The following ZNF487 variants were observed in gnomAD, a reference collection of about 807,000 sequenced individuals.
ZNF487 encodes the protein KRAB domain only 1.
ZNF487 carries 4 observed loss-of-function variants against 3.0 expected under a neutral mutation model. That is an observed-to-expected ratio of 1.35 (90% CI 0.66 to 3.08). The LOEUF (loss-of-function observed/expected upper bound fraction) is 3.08. ZNF487 is among the 30% of genes most tolerant of loss of function. The pLI, the probability that ZNF487 is intolerant of heterozygous loss-of-function variation, is 0.01. For synonymous variants in ZNF487, 55 were observed against 34.6 expected, an observed-to-expected ratio of 1.59 and a Z score of -2.06; for missense variants, 146 against 98.7, an observed-to-expected ratio of 1.48 and a Z score of -2.03.
chr10:43,460,616 C>G (rs910618096), intron 1 of ZNF487, among the ~76,000 whole-genome samples: 6 of 141,578 alleles, frequency 4.2e-5, no homozygotes, highest in African/African-American at 1.8e-4. Flanking sequence ...ACCTCAGATG[C>G]CACCCGCCTC....
intron 1 of ZNF487, among the ~76,000 whole-genome samples, chr10:43,450,907 CGTT>C (rs1172787328): frequency 1.3e-5 from 2 of 152,048 alleles, no homozygotes; most frequent in Admixed American, 1.3e-4. Flanking sequence ...TTTGGAGCCA[CGTT>C]GTAAACTTCA....
intron 1 of ZNF487, among the ~76,000 whole-genome samples, chr10:43,451,388 G>A (rs1238015985): frequency 6.6e-6 from 1 of 151,554 alleles, no homozygotes; most frequent in Non-Finnish European, 1.5e-5. Flanking sequence ...TGGGATTACA[G>A]GTGTGCGCCA....
the ZNF487 span, among the ~76,000 whole-genome samples, chr10:43,499,698 C>T: frequency 2.6e-5 from 4 of 151,124 alleles, no homozygotes; most frequent in Admixed American, 1.3e-4. Context: ...CCGCAGTGAG[C>T]GGAGGTTGCA....
the ZNF487 span, among the ~76,000 whole-genome samples, chr10:43,522,106 A>G: frequency 6.6e-6 from 1 of 152,164 alleles, no homozygotes; most frequent in Non-Finnish European, 1.5e-5. Flanking sequence ...TTCTCTGGAC[A>G]TTGGCTTTTG....
intron 1 of ZNF487, among the ~76,000 whole-genome samples, chr10:43,474,136 G>C (rs989876713): frequency 1.3e-5 from 2 of 149,890 alleles, no homozygotes; most frequent in African/African-American, 4.9e-5. Flanking sequence ...ATTCCAGCCT[G>C]GGTGACAGAA....
the ZNF487 span, chr10:43,496,102 G>T: frequency 8.6e-5 from 46 of 533,394 alleles, 1 homozygote; most frequent in Admixed American, 8.0e-4. Flanking sequence ...CCCTGTACAT[G>T]AATGTAATGC....
chr10:43,464,905 G>A (rs1287945622), intron 1 of ZNF487, among the ~76,000 whole-genome samples: 1 of 152,130 alleles, frequency 6.6e-6, no homozygotes, highest in Non-Finnish European at 1.5e-5. Context: ...AGACGGGGTG[G>A]TGGCCGGGCA....
At chr10:43,501,074 C>T in the ZNF487 span, among the ~76,000 whole-genome samples, 5 of 152,226 alleles carry the variant, frequency 3.3e-5, no homozygotes, top group South Asian at 2.1e-4. Context: ...CTAGACTATA[C>T]GATATAGCCT....
chr10:43,454,340 T>G (rs1840101389), intron 1 of ZNF487: 1 of 152,244 alleles, frequency 6.6e-6, no homozygotes, highest in South Asian at 2.1e-4. Flanking sequence ...CGTGAGCCAC[T>G]GCACCTGGCC....
chr10:43,443,966 C>T (rs999740499), intron 1 of ZNF487, among the ~76,000 whole-genome samples: 2 of 151,714 alleles, frequency 1.3e-5, no homozygotes, highest in African/African-American at 4.8e-5. Flanking sequence ...GATTCCTCTG[C>T]CTCAGCCTCC....
chr10:43,441,034 A>ATTT (rs763451709), intron 1 of ZNF487, among the ~76,000 whole-genome samples: 2,569 of 44,476 alleles, frequency 0.058, 721 homozygotes, highest in Middle Eastern at 0.14. Context: ...ACCTGGTTAA[A>ATTT]TTTTTTTTTT....
chr10:43,457,554 T>TG (rs375359774), intron 1 of ZNF487, among the ~76,000 whole-genome samples: 2 of 94,816 alleles, frequency 2.1e-5, no homozygotes, highest in African/African-American at 7.8e-5. Flanking sequence ...GACTCTGTCT[T>TG]GGGGAAAAAA....
At chr10:43,471,203 C>T (rs1456775903) in intron 1 of ZNF487, among the ~76,000 whole-genome samples, 1 of 152,176 alleles carries the variant, frequency 6.6e-6, no homozygotes, top group African/African-American at 2.4e-5. Flanking sequence ...CGCTCAACCC[C>T]TTGCAGGATG....
At chr10:43,445,963 A>G (rs1233261591) in intron 1 of ZNF487, among the ~76,000 whole-genome samples, 4 of 152,178 alleles carry the variant, frequency 2.6e-5, no homozygotes, top group Admixed American at 2.6e-4. Context: ...CTGAGTTGAC[A>G]CAGCACATGT....
In ZNF487 at chr10:43,469,017, AAAAG is replaced by A. The variant is rs962195509; in HGVS notation, c.-93-6699_-93-6696del. 6.6e-5 allele frequency among the ~76,000 whole-genome samples: 10 copies of A among 150,730 alleles called. No homozygotes were observed. In the East Asian group the frequency reaches 1.6e-3, roughly 24 times the overall value. On this transcript the variant is annotated intron_variant, in intron 1 of 3. Transcript: ENST00000437590. ...AAAAAAAAAAAAAAAAAAAAAAAGA[AAAAG>A]AAAGGAAGAGTCAATCAGTGTGGCA...
intron 1 of ZNF487, among the ~76,000 whole-genome samples, chr10:43,445,725 G>A (rs1006104007): frequency 2.7e-5 from 4 of 150,724 alleles, no homozygotes; most frequent in African/African-American, 4.9e-5. Context: ...GTGTTTCTCC[G>A]AGGGGGGATT....
intron 1 of ZNF487, among the ~76,000 whole-genome samples, chr10:43,475,499 C>T (rs569136663): frequency 6.4e-4 from 96 of 150,912 alleles, no homozygotes; most frequent in South Asian, 3.4e-3. Flanking sequence ...TGAGTGATAG[C>T]GCAAGACCCC....
chr10:43,437,795 CTG>C (rs1476033669), intron 1 of ZNF487, among the ~76,000 whole-genome samples: 1 of 152,036 alleles, frequency 6.6e-6, no homozygotes, highest in African/African-American at 2.4e-5. Flanking sequence ...CAGCTCTTCA[CTG>C]TGTTCTTCCT....
At chr10:43,510,993 C>T in the ZNF487 span, among the ~76,000 whole-genome samples, 1 of 152,138 alleles carries the variant, frequency 6.6e-6, no homozygotes, top group African/African-American at 2.4e-5. Flanking sequence ...GCCAGCAGAA[C>T]GTAATTTTGC....
Sources: allele counts gnomAD v4.1 joint callset (sites outside exome capture counted in the v4.1 genomes callset), GRCh38; gene constraint gnomAD v4.1.1; transcripts MANE v1.5; gene names NCBI Gene and HGNC (gene_info 2026-07-23, HGNC 2026-07-21).